The following VAT1L variants were observed in gnomAD, a reference collection of about 807,000 sequenced individuals.
VAT1L encodes putative NADPH-dependent quinone oxidoreductase VAT1L.
VAT1L carries 34 observed loss-of-function variants against 44.1 expected under a neutral mutation model. The observed-to-expected ratio is 0.77, with a 90% CI of 0.59 to 1.03. The LOEUF is 1.03. VAT1L is among the 50% of genes least tolerant of loss of function. The pLI is 0.00. For synonymous variants in VAT1L, 253 were observed against 202.2 expected (o/e 1.25, Z -2.13); for missense variants, 615 against 538.8 (o/e 1.14, Z -1.40).
chr16:77,918,705 G>A (rs886898684), intron 7 of VAT1L, among the ~76,000 whole-genome samples: 2 of 152,156 alleles, frequency 1.3e-5, no homozygotes, highest in African/African-American at 4.8e-5. Flanking sequence ...AATATGGAAA[G>A]GCAATGAATG....
At chr16:77,809,669 T>G (rs2016230873) in intron 1 of VAT1L, among the ~76,000 whole-genome samples, 1 of 152,240 alleles carries the variant, frequency 6.6e-6, no homozygotes, top group African/African-American at 2.4e-5. Flanking sequence ...TCTCAGCAAT[T>G]GCTGCTATGG....
chr16:77,962,157 A>G (rs1473187733), intron 7 of VAT1L, among the ~76,000 whole-genome samples: 3 of 152,074 alleles, frequency 2.0e-5, no homozygotes, highest in Non-Finnish European at 4.4e-5. Flanking sequence ...GCCCTGGGCA[A>G]GAGTGCAAAT....
rs537444405 is a variant in VAT1L, at chr16:77,971,741, C to T, written c.1078-109C>T. 78 of 1,178,076 alleles carry T rather than the reference C, an allele frequency of 6.6e-5. 1 individual carries two copies. The South Asian group carries it at 1.2e-3, about 17-fold the overall frequency. 73.0% of individuals were successfully genotyped at this position (1,178,076 alleles called of 1,614,324 possible). A position where few individuals can be genotyped will look rare whatever the true frequency, so the allele number is the denominator to read the frequency against. ...CAACCTCTTAGCCACTAAACTTGAG[C>T]CGCAGCGCCCTCTGGTGGTCACTTG... On this transcript the variant is annotated intron_variant, in intron 7 of 8. Transcript: ENST00000302536.
intron 7 of VAT1L, among the ~76,000 whole-genome samples, chr16:77,893,890 G>A (rs2017294174): frequency 6.6e-6 from 1 of 152,156 alleles, no homozygotes; most frequent in African/African-American, 2.4e-5. Context: ...ATGCTACTAG[G>A]AAATGCTTAG....
rs767255521 is a variant in VAT1L at position 77,977,703 on chromosome 16, C to A, written c.*8C>A. On this transcript the variant is annotated 3_prime_UTR_variant, in exon 9 of 9. Transcript: ENST00000302536. ...ATGCCCTTTATCCAGTAACTGAGGACCCAGGTGGGAGAATGTGAAGGATGG... is the reference window on the plus strand; with the variant it reads ...ATGCCCTTTATCCAGTAACTGAGGAACCAGGTGGGAGAATGTGAAGGATGG... 1.9e-6 allele frequency: 3 copies of A among 1,612,732 alleles called. No individual in the cohort carries two copies. The African/African-American group carries it at 4.0e-5, about 22-fold the overall frequency.
intron 2 of VAT1L, among the ~76,000 whole-genome samples, chr16:77,824,806 A>C (rs1271792307): frequency 6.6e-6 from 1 of 151,268 alleles, no homozygotes; most frequent in South Asian, 2.1e-4. Flanking sequence ...TAGAGTTCTC[A>C]AGTGTATGAG....
chr16:77,967,751 A>T (rs1031638882), intron 7 of VAT1L, among the ~76,000 whole-genome samples: 18 of 152,202 alleles, frequency 1.2e-4, no homozygotes, highest in Admixed American at 6.5e-5. Flanking sequence ...CTGGAGAGGC[A>T]GCTTAAAAGT....
At chr16:77,930,445 G>C (rs561130251) in intron 7 of VAT1L, among the ~76,000 whole-genome samples, 1 of 152,270 alleles carries the variant, frequency 6.6e-6, no homozygotes, top group East Asian at 1.9e-4. Flanking sequence ...CCTGTCCTTT[G>C]AATGGCTCTC....
chr16:77,881,174 G>A (rs577990352), intron 6 of VAT1L, among the ~76,000 whole-genome samples: 1 of 152,210 alleles, frequency 6.6e-6, no homozygotes, highest in African/African-American at 2.4e-5. Flanking sequence ...CCCAACAGGG[G>A]ATTGCTGCTT....
chr16:77,939,847 G>C (rs568870230), intron 7 of VAT1L, among the ~76,000 whole-genome samples: 3 of 152,264 alleles, frequency 2.0e-5, no homozygotes, highest in African/African-American at 7.2e-5. Flanking sequence ...CATTTAGCAG[G>C]GCTAGCACTA....
intron 7 of VAT1L, among the ~76,000 whole-genome samples, chr16:77,957,125 G>A (rs2142530427): frequency 6.6e-6 from 1 of 152,188 alleles, no homozygotes; most frequent in South Asian, 2.1e-4. Flanking sequence ...ATGCTATTAG[G>A]TCTGGCTGTC....
chr16:77,856,589 C>T (rs985250662), intron 3 of VAT1L, among the ~76,000 whole-genome samples: 3 of 152,166 alleles, frequency 2.0e-5, no homozygotes, highest in African/African-American at 7.2e-5. Context: ...GTCTGTCGAT[C>T]AGGGTCATAT....
intron 7 of VAT1L, among the ~76,000 whole-genome samples, chr16:77,917,943 G>A (rs1305682556): frequency 2.0e-5 from 3 of 152,164 alleles, no homozygotes; most frequent in Non-Finnish European, 2.9e-5. Flanking sequence ...GACTCTCAAG[G>A]TCTGGGCTGC....
At chr16:77,802,770 C>T (rs1169965585) in intron 1 of VAT1L, among the ~76,000 whole-genome samples, 1 of 152,196 alleles carries the variant, frequency 6.6e-6, no homozygotes, top group Non-Finnish European at 1.5e-5. Flanking sequence ...CTCTCCCCTA[C>T]TCTGTTCAAA....
intron 7 of VAT1L, among the ~76,000 whole-genome samples, chr16:77,946,230 CAG>C (rs1435291786): frequency 6.7e-6 from 1 of 149,082 alleles, no homozygotes; most frequent in Non-Finnish European, 1.5e-5. Context: ...ACAGCTCTAA[CAG>C]AGTTTACTCA....
At chr16:77,805,331 A>AAAG (rs56919689) in intron 1 of VAT1L, among the ~76,000 whole-genome samples, 1,604 of 152,292 alleles carry the variant, frequency 0.011, 28 homozygotes, top group African/African-American at 0.037. Context: ...AAAAAAGAAA[A>AAAG]AAGATTTATG....
intron 3 of VAT1L, among the ~76,000 whole-genome samples, chr16:77,836,546 T>G (rs1398686621): frequency 6.6e-6 from 1 of 152,214 alleles, no homozygotes; most frequent in African/African-American, 2.4e-5. Flanking sequence ...GAAACAGGCC[T>G]TTGCCTTCCA....
chr16:77,936,475 CT>C (rs1395788299), intron 7 of VAT1L, among the ~76,000 whole-genome samples: 2 of 152,258 alleles, frequency 1.3e-5, no homozygotes, highest in East Asian at 3.9e-4. Context: ...GACCCAAGTG[CT>C]GGGGGACTTC....
At chr16:77,939,437 T>C (rs2017849332) in intron 7 of VAT1L, among the ~76,000 whole-genome samples, 1 of 152,192 alleles carries the variant, frequency 6.6e-6, no homozygotes, top group South Asian at 2.1e-4. Context: ...CTGAGAACTG[T>C]GATAACTCAG....
Sources: allele counts gnomAD v4.1 joint callset (sites outside exome capture counted in the v4.1 genomes callset), GRCh38; gene constraint gnomAD v4.1.1; transcripts MANE v1.5; gene names NCBI Gene and HGNC (gene_info 2026-07-23, HGNC 2026-07-21).